The following DYNC2I1 variants were observed in gnomAD, a reference collection of about 807,000 sequenced individuals.
The protein encoded by DYNC2I1 is cytoplasmic dynein 2 intermediate chain 1.
In DYNC2I1, 89 loss-of-function variants were observed where a neutral mutation model predicts 133.4. That is an observed-to-expected ratio of 0.67 (90% CI 0.56 to 0.80). The LOEUF is 0.80. Among genes scored for constraint, DYNC2I1 ranks in the 30% least tolerant of loss-of-function variants. The pLI is 0.00. For missense variants in DYNC2I1, 1,291 were observed against 1,314.5 expected (o/e 0.98, Z 0.28); for synonymous variants, 504 against 484.3 (o/e 1.04, Z -0.54).
At chr7:158,879,638 C>T in intron 4 of DYNC2I1, 46 bp from the exon 5 acceptor site, 1 of 1,516,790 alleles carries the variant, frequency 6.6e-7, no homozygotes, top group South Asian at 1.4e-5. Flanking sequence ...TGGCTGCACT[C>T]CTATTTGATG....
chr7:158,902,796 C>G (rs923102055), intron 10 of DYNC2I1: 1 of 572,674 alleles, frequency 1.7e-6, no homozygotes, highest in Non-Finnish European at 3.1e-6. Context: ...CCAGAATTCT[C>G]TTACACAGAG....
intron 4 of DYNC2I1, among the ~76,000 whole-genome samples, chr7:158,877,173 C>T (rs1013835378): frequency 2.0e-5 from 3 of 151,766 alleles, no homozygotes; most frequent in South Asian, 2.1e-4. Context: ...TCTCCAGGCA[C>T]CTGCGGTTCC....
downstream of DYNC2I1, among the ~76,000 whole-genome samples, chr7:158,948,932 G>A (rs956925688): frequency 6.6e-6 from 1 of 152,190 alleles, no homozygotes; most frequent in African/African-American, 2.4e-5. Context: ...TCAGGAAGAC[G>A]CAAAGAGGAG....
chr7:158,861,469 T>G (rs1038765088), intron 1 of DYNC2I1, among the ~76,000 whole-genome samples: 2 of 152,206 alleles, frequency 1.3e-5, no homozygotes. Flanking sequence ...CTGCAGTTAC[T>G]GAATGAAATC....
At chr7:158,954,067 TAGTG>T (rs754098247) in intron 4 of DYNC2I1, among the ~76,000 whole-genome samples, 41 of 152,244 alleles carry the variant, frequency 2.7e-4, no homozygotes, top group Non-Finnish European at 3.8e-4. Flanking sequence ...GTTCTCGAGA[TAGTG>T]AGTAAGTCTC....
rs565078606 is a variant in DYNC2I1, at chr7:158,942,001, C to T, written c.2855C>T (p.Thr952Met). 46 of 1,613,494 alleles carry T rather than the reference C, an allele frequency of 2.9e-5. No individual in the cohort carries two copies. Among genetic ancestry groups the T allele is most frequent in the African/African-American group, 4.0e-5 (3 of 75,066 alleles). Residue 952 changes from threonine to methionine, a missense_variant, in exon 24 of 25, where the codon ACG becomes ATG. By Grantham distance (81) the Thr-to-Met change is moderately conservative. Coordinates refer to ENST00000407559, the MANE Select transcript of DYNC2I1 (RefSeq NM_018051.5). Reference protein sequence around the residue: ...AFPLLQWDSSTDSHAVTGLQW... With the variant: ...AFPLLQWDSSMDSHAVTGLQW... ...CCGCTCCTGCAGTGGGACAGCAGCA[C>T]GGACAGCCATGCGGTCACCGGCCTG...
Position 158,856,586 on chromosome 7 carries a change from T to G in DYNC2I1, c.-150T>G. ...AGAGGCCGCAGGGCACGCTGGGCAG[T>G]GCTTCTGGGCCCTCTGCTGCTCCTG... On this transcript the variant is annotated 5_prime_UTR_variant, in exon 1 of 25. Transcript: ENST00000407559. 1 of 784,570 alleles carries G rather than the reference T, an allele frequency of 1.3e-6. No homozygotes were observed. The highest frequency in any genetic ancestry group is 1.7e-6 in the Non-Finnish European group (1 of 581,052). 48.6% of individuals were successfully genotyped at this position (784,570 alleles called of 1,614,324 possible).
At position 158,945,214 on chromosome 7, in the gene DYNC2I1, A is replaced by C. The variant is rs960425578; in HGVS notation, c.3003-367A>C. 6.6e-6 allele frequency among the ~76,000 whole-genome samples: 1 copy of C among 152,046 alleles called. No homozygotes were observed. ...CGCAGACTTGTGAGTCCTGACACTC[A>C]GCTGTGGGTGAGATCCAGGGAGGCT... On this transcript the variant is annotated intron_variant, in intron 24 of 24. Transcript: ENST00000407559. This position sits in a 1 kb window ranked among gnomAD's most constrained non-coding sequence, Gnocchi z 4.1.
downstream of DYNC2I1, among the ~76,000 whole-genome samples, chr7:158,958,514 TGTTCG>T (rs1326056957): frequency 6.6e-6 from 1 of 152,208 alleles, no homozygotes; most frequent in East Asian, 1.9e-4. Flanking sequence ...CTTGCCGACT[TGTTCG>T]GTATCTTGGC....
chr7:158,850,115 G>C, the DYNC2I1 span, among the ~76,000 whole-genome samples: 1 of 152,232 alleles, frequency 6.6e-6, no homozygotes, highest in Admixed American at 6.5e-5. Context: ...TGCAGAGCTG[G>C]GGAGTGGGGA....
intron 8 of DYNC2I1, among the ~76,000 whole-genome samples, chr7:158,897,349 A>T (rs1467674013): frequency 2.0e-5 from 3 of 152,210 alleles, no homozygotes; most frequent in Non-Finnish European, 2.9e-5. Context: ...CACCAGTATT[A>T]GTGCTTTCTA....
chr7:158,913,735 G>A (rs541945436), intron 13 of DYNC2I1, among the ~76,000 whole-genome samples: 65 of 151,942 alleles, frequency 4.3e-4, no homozygotes, highest in Non-Finnish European at 8.5e-4. Flanking sequence ...TTGAGATGGA[G>A]CCTTGCTCTG....
chr7:158,924,108 G>A (rs750495326), intron 17 of DYNC2I1, among the ~76,000 whole-genome samples: 30 of 152,164 alleles, frequency 2.0e-4, no homozygotes, highest in Non-Finnish European at 3.4e-4. Context: ...AGCACAATTG[G>A]GCCTCCCTGA....
intron 21 of DYNC2I1, among the ~76,000 whole-genome samples, chr7:158,931,687 A>C (rs1371203942): frequency 6.6e-6 from 1 of 152,074 alleles, no homozygotes; most frequent in Non-Finnish European, 1.5e-5. Flanking sequence ...GTTTTTTCTT[A>C]CCCAAAAACT....
chr7:158,898,532 C>T (rs957183778), intron 8 of DYNC2I1, among the ~76,000 whole-genome samples: 12 of 152,138 alleles, frequency 7.9e-5, no homozygotes, highest in African/African-American at 2.9e-4. Flanking sequence ...TGTGCTGCGT[C>T]AGAAATTAAT....
At chr7:158,899,573 T>C (rs953849232) in intron 8 of DYNC2I1, among the ~76,000 whole-genome samples, 1 of 152,190 alleles carries the variant, frequency 6.6e-6, no homozygotes, top group African/African-American at 2.4e-5. Flanking sequence ...AATCTCAACT[T>C]GAGTTTATCT....
intron 5 of DYNC2I1, among the ~76,000 whole-genome samples, chr7:158,880,889 A>G (rs1843931296): frequency 6.6e-6 from 1 of 152,144 alleles, no homozygotes; most frequent in Non-Finnish European, 1.5e-5. Flanking sequence ...GCTTCCTTTA[A>G]GATGGAAGCA....
chr7:158,892,017 G>A (rs1226789628), intron 8 of DYNC2I1, among the ~76,000 whole-genome samples: 2 of 152,168 alleles, frequency 1.3e-5, no homozygotes, highest in African/African-American at 4.8e-5. Flanking sequence ...TGAACTCCTG[G>A]TGATGGGGGT....
chr7:158,911,765 A>G lies in DYNC2I1; in HGVS notation c.1590+86A>G. Reference sequence around the variant, plus strand: ...TGTGTCTTCCTGAATAATGTTCTGCAATATTAGAACTTGGGGATGGTCTGT... The same window carrying G: ...TGTGTCTTCCTGAATAATGTTCTGCGATATTAGAACTTGGGGATGGTCTGT... On this transcript the variant is annotated intron_variant, in intron 12 of 24. Coordinates refer to ENST00000407559, the MANE Select transcript of DYNC2I1 (RefSeq NM_018051.5). 10 of 1,455,806 alleles carry G rather than the reference A, an allele frequency of 6.9e-6. 1 individual carries two copies. The South Asian group carries it at 1.4e-4, about 20-fold the overall frequency. The allele number at this position is 1,455,806 out of a possible 1,614,324, so 90.2% of individuals were successfully genotyped here. A position where few individuals can be genotyped will look rare whatever the true frequency, so the allele number is the denominator to read the frequency against.
Sources: allele counts gnomAD v4.1 joint callset (sites outside exome capture counted in the v4.1 genomes callset), GRCh38; gene constraint gnomAD v4.1.1; non-coding constraint Gnocchi (gnomAD v3.1); transcripts MANE v1.5; gene names NCBI Gene and HGNC (gene_info 2026-07-23, HGNC 2026-07-21).